SH3RF2: variants seen among roughly 807,000 people sequenced by gnomAD.
The protein encoded by SH3RF2 is E3 ubiquitin-protein ligase SH3RF2.
In SH3RF2, 43 loss-of-function variants were observed where a neutral mutation model predicts 59.0. The ratio of observed to expected loss-of-function variants is 0.73; its 90% CI spans 0.57 to 0.94. The LOEUF is 0.94. SH3RF2 is among the 40% of genes least tolerant of loss of function. The pLI, the probability that SH3RF2 is intolerant of heterozygous loss-of-function variation, is 0.00. For synonymous variants in SH3RF2, 391 were observed against 391.5 expected (o/e 1.00, Z 0.01); for missense variants, 930 against 940.1 (o/e 0.99, Z 0.14).
At chr5:145,998,688 G>A (rs1200285131) in intron 2 of SH3RF2, among the ~76,000 whole-genome samples, 1 of 152,168 alleles carries the variant, frequency 6.6e-6, no homozygotes, top group East Asian at 1.9e-4. Flanking sequence ...CAAGGTGGGT[G>A]GATCATGAGG....
chr5:145,992,201 G>A (rs529076504), intron 2 of SH3RF2, among the ~76,000 whole-genome samples: 5 of 152,014 alleles, frequency 3.3e-5, no homozygotes, highest in Admixed American at 1.3e-4. Context: ...GTGAAACCCC[G>A]TCTCTGCAAA....
intron 4 of SH3RF2, among the ~76,000 whole-genome samples, chr5:146,010,480 T>A (rs548424457): frequency 2.0e-5 from 3 of 152,352 alleles, no homozygotes; most frequent in Admixed American, 1.3e-4. Context: ...ATTGAACTAG[T>A]TTACAGTCCC....
At chr5:146,007,761 G>A (rs1760708196) in intron 4 of SH3RF2, among the ~76,000 whole-genome samples, 1 of 152,166 alleles carries the variant, frequency 6.6e-6, no homozygotes, top group Non-Finnish European at 1.5e-5. Flanking sequence ...ACTAGCCAGT[G>A]CTTCATTTGT....
intron 7 of SH3RF2, among the ~76,000 whole-genome samples, chr5:146,050,482 AAGTC>A (rs1440951310): frequency 6.6e-6 from 1 of 152,248 alleles, no homozygotes; most frequent in Non-Finnish European, 1.5e-5. Flanking sequence ...ACATGGCAGA[AAGTC>A]AGGATAAAAG....
chr5:146,066,663 G>A (rs1408322869), downstream of SH3RF2, among the ~76,000 whole-genome samples: 1 of 152,074 alleles, frequency 6.6e-6, no homozygotes, highest in Admixed American at 6.5e-5. Flanking sequence ...CAAAGTGGTG[G>A]GAAAAAGGGT....
At chr5:146,038,933 A>G (rs1299913266) in intron 5 of SH3RF2, among the ~76,000 whole-genome samples, 1 of 152,250 alleles carries the variant, frequency 6.6e-6, no homozygotes, top group Non-Finnish European at 1.5e-5. Context: ...TTTATTTCAA[A>G]GCTAATTAAG....
intron 7 of SH3RF2, among the ~76,000 whole-genome samples, chr5:146,055,609 C>T (rs1331833805): frequency 1.3e-5 from 2 of 152,128 alleles, no homozygotes; most frequent in Non-Finnish European, 1.5e-5. Flanking sequence ...CAAGAAATTG[C>T]CACTGTAAAA....
In SH3RF2 at chr5:145,944,669, C is replaced by T. The variant is rs548889997; in HGVS notation, c.378+6363C>T. 1.9e-3 allele frequency among the ~76,000 whole-genome samples: 285 copies of T among 152,268 alleles called. 3 individuals are homozygous for T. The highest frequency in any genetic ancestry group is 4.8e-3 in the Admixed American group (74 of 15,300). ...TCCCTTTGCTGCAGGACTTTTTGCA[C>T]GTTTTACCATGCTGATGAATTGTAA... On this transcript the variant is annotated intron_variant, in intron 2 of 9. Coordinates refer to ENST00000359120, the MANE Select transcript of SH3RF2 (RefSeq NM_152550.4).
At chr5:146,014,261 C>A (rs1346266751) in intron 5 of SH3RF2, among the ~76,000 whole-genome samples, 200 bp downstream of exon 5, 1 of 152,204 alleles carries the variant, frequency 6.6e-6, no homozygotes, top group Non-Finnish European at 1.5e-5. Context: ...GGTGTTATTA[C>A]TATTATCCCC....
At chr5:146,029,764 T>C (rs1761676883) in intron 5 of SH3RF2, among the ~76,000 whole-genome samples, 1 of 152,180 alleles carries the variant, frequency 6.6e-6, no homozygotes, top group South Asian at 2.1e-4. Flanking sequence ...AGGAACTTTA[T>C]TTTTGATAAA....
chr5:146,049,268 C>T, intron 7 of SH3RF2, 23 bp downstream of exon 7: 3 of 1,582,962 alleles, frequency 1.9e-6, no homozygotes, highest in Non-Finnish European at 2.6e-6. Context: ...CAATCCCAGA[C>T]TTTGGGAGGT....
intron 4 of SH3RF2, among the ~76,000 whole-genome samples, chr5:146,013,021 A>G (rs1162607132): frequency 6.6e-6 from 1 of 152,040 alleles, no homozygotes; most frequent in African/African-American, 2.4e-5. Context: ...TGACTAAGAG[A>G]TATAGAACAA....
chr5:145,984,531 A>G (rs1001874249), intron 2 of SH3RF2, among the ~76,000 whole-genome samples: 4 of 152,240 alleles, frequency 2.6e-5, no homozygotes, highest in Admixed American at 2.0e-4. Context: ...TTTTGGCTCT[A>G]TCTCAGAGTG....
At chr5:146,055,460 G>GT (rs1762633013) in intron 7 of SH3RF2, among the ~76,000 whole-genome samples, 2 of 152,242 alleles carry the variant, frequency 1.3e-5, no homozygotes, top group Non-Finnish European at 2.9e-5. Context: ...CCAAAATGAT[G>GT]TGTCAGTGCT....
intron 2 of SH3RF2, among the ~76,000 whole-genome samples, chr5:145,953,919 C>A (rs888870445): frequency 6.6e-6 from 1 of 152,126 alleles, no homozygotes; most frequent in African/African-American, 2.4e-5. Flanking sequence ...TAGTATTTCA[C>A]GGTGTATATA....
At chr5:146,041,446 G>A (rs913825613) in intron 5 of SH3RF2, among the ~76,000 whole-genome samples, 5 of 152,228 alleles carry the variant, frequency 3.3e-5, no homozygotes, top group African/African-American at 1.2e-4. Flanking sequence ...GCTTATTGCA[G>A]TAACCCCAGT....
At chr5:145,969,919 T>C (rs1759009672) in intron 2 of SH3RF2, among the ~76,000 whole-genome samples, 1 of 152,028 alleles carries the variant, frequency 6.6e-6, no homozygotes, top group Non-Finnish European at 1.5e-5. Flanking sequence ...TGAACATGAG[T>C]ACATTTTCCC....
At chr5:146,003,977 AGAC>A in intron 3 of SH3RF2, 78 bp from the exon 4 acceptor site, 1 of 1,151,970 alleles carries the variant, frequency 8.7e-7, no homozygotes, top group Non-Finnish European at 1.3e-6. Context: ...ACACCATCTG[AGAC>A]TCCAAACTGA....
intron 8 of SH3RF2, among the ~76,000 whole-genome samples, chr5:146,057,867 G>A (rs79791742): frequency 1.8e-4 from 28 of 152,116 alleles, no homozygotes; most frequent in East Asian, 1.5e-3. Context: ...GGCTTGAGCC[G>A]GGAAGGTTGA....
Sources: allele counts gnomAD v4.1 joint callset (sites outside exome capture counted in the v4.1 genomes callset), GRCh38; gene constraint gnomAD v4.1.1; transcripts MANE v1.5; gene names NCBI Gene and HGNC (gene_info 2026-07-23, HGNC 2026-07-21).